The following KCNIP3 variants were observed in gnomAD, a reference collection of about 807,000 sequenced individuals.
The protein encoded by KCNIP3 is potassium voltage-gated channel interacting protein 3.
Under a neutral mutation model 35.0 loss-of-function variants are expected in KCNIP3, and 28 were observed. The ratio of observed to expected loss-of-function variants is 0.80; its 90% CI spans 0.59 to 1.10. KCNIP3 has a LOEUF of 1.10. Ranked by LOEUF, KCNIP3 falls within the 50% of genes least tolerant of loss-of-function variation. The pLI is 0.00. For synonymous variants in KCNIP3, 134 were observed against 133.8 expected (o/e 1.00, Z -0.01); for missense variants, 295 against 338.4 (o/e 0.87, Z 1.01).
intron 2 of KCNIP3, among the ~76,000 whole-genome samples, chr2:95,357,026 C>T (rs562622287): frequency 4.6e-4 from 70 of 152,316 alleles, no homozygotes; most frequent in Admixed American, 9.8e-4. Flanking sequence ...CGTGGGTGGC[C>T]TCTGCAGGAG....
chr2:95,367,887 G>A (rs2113419), intron 2 of KCNIP3, among the ~76,000 whole-genome samples: 25,043 of 150,956 alleles, frequency 0.17, 2,301 homozygotes, highest in East Asian at 0.29. Flanking sequence ...TTAGCCTCCC[G>A]AGTAGCTGGG....
chr2:95,365,464 T>C (rs1028166592), intron 2 of KCNIP3, among the ~76,000 whole-genome samples: 6 of 152,170 alleles, frequency 3.9e-5, no homozygotes, highest in African/African-American at 1.4e-4. Context: ...ACTTGGCCCC[T>C]TATGTCATTT....
intron 2 of KCNIP3, among the ~76,000 whole-genome samples, chr2:95,349,118 G>C (rs1203086899): frequency 3.9e-5 from 6 of 152,056 alleles, no homozygotes; most frequent in African/African-American, 1.4e-4. Flanking sequence ...GAGGGAGGGC[G>C]TCGTGAGTTC....
chr2:95,336,019 A>T (rs1360890679), intron 2 of KCNIP3, among the ~76,000 whole-genome samples: 5 of 152,186 alleles, frequency 3.3e-5, no homozygotes, highest in African/African-American at 1.2e-4. Context: ...TTGTATTTGC[A>T]CTTCCTTGTC....
intron 3 of KCNIP3, among the ~76,000 whole-genome samples, 184 bp downstream of exon 3, chr2:95,374,604 G>A (rs556632939): frequency 2.6e-5 from 4 of 152,296 alleles, no homozygotes; most frequent in Admixed American, 2.6e-4. Flanking sequence ...TCCTCCCTCC[G>A]TGTCTTTGCT....
In KCNIP3 at chr2:95,333,185, C is replaced by G. The variant is rs183851008; in HGVS notation, c.181+22665C>G. Among the ~76,000 whole-genome samples, 7 of 152,294 alleles carry G rather than the reference C, an allele frequency of 4.6e-5. No homozygotes were observed. The East Asian group carries it at 1.2e-3, about 25-fold the overall frequency. On this transcript the variant is annotated intron_variant, in intron 2 of 8. Coordinates refer to ENST00000295225, the MANE Select transcript of KCNIP3 (RefSeq NM_013434.5). Reference sequence around the variant, plus strand: ...TGCTCCCTTGCTCTGAGGATAAATCCCCGGCCACAGACTTGGCCATGCCCT... The same window carrying G: ...TGCTCCCTTGCTCTGAGGATAAATCGCCGGCCACAGACTTGGCCATGCCCT...
intron 2 of KCNIP3, among the ~76,000 whole-genome samples, chr2:95,323,727 C>T (rs1482599954): frequency 7.2e-5 from 11 of 152,196 alleles, no homozygotes; most frequent in South Asian, 2.1e-4. Context: ...TCCTGGCTCC[C>T]GATGCCCCAA....
intron 2 of KCNIP3, among the ~76,000 whole-genome samples, chr2:95,358,667 G>T (rs1347865737): frequency 6.6e-6 from 1 of 152,212 alleles, no homozygotes; most frequent in African/African-American, 2.4e-5. Flanking sequence ...TCTGGCGAGG[G>T]CCCTCTTGCT....
In KCNIP3 at chr2:95,376,112, G is replaced by A. The variant is rs1680179728; in HGVS notation, c.447+904G>A. 6.6e-6 allele frequency among the ~76,000 whole-genome samples: 1 copy of A among 152,196 alleles called. No individual in the cohort carries two copies. The highest frequency in any genetic ancestry group is 1.5e-5 in the Non-Finnish European group (1 of 68,036). ...CCCTCGACTCTGAGCCACACTCTGAGGGCTCTGCACATAGAAGCAGACCGT... is the reference window on the plus strand; with the variant it reads ...CCCTCGACTCTGAGCCACACTCTGAAGGCTCTGCACATAGAAGCAGACCGT... On this transcript the variant is annotated intron_variant, in intron 5 of 8. Coordinates refer to ENST00000295225, the MANE Select transcript of KCNIP3 (RefSeq NM_013434.5). This position sits in a 1 kb window ranked among gnomAD's most constrained non-coding sequence, Gnocchi z 4.2.
At chr2:95,333,623 T>C (rs527866435) in intron 2 of KCNIP3, among the ~76,000 whole-genome samples, 1 of 152,296 alleles carries the variant, frequency 6.6e-6, no homozygotes, top group Non-Finnish European at 1.5e-5. Flanking sequence ...TTGGTTGCAA[T>C]TGTGACAGCT....
intron 2 of KCNIP3, among the ~76,000 whole-genome samples, chr2:95,369,373 A>G (rs1254264449): frequency 1.3e-5 from 2 of 152,256 alleles, no homozygotes; most frequent in African/African-American, 4.8e-5. Context: ...TATTTTGTTG[A>G]GAAATTTCAC....
intron 2 of KCNIP3, among the ~76,000 whole-genome samples, chr2:95,337,503 T>C (rs1309746632): frequency 1.3e-5 from 2 of 152,196 alleles, no homozygotes; most frequent in African/African-American, 2.4e-5. Flanking sequence ...GAGTGTGTCA[T>C]TGGGATATAA....
rs1680268118 is a variant in KCNIP3, at chr2:95,378,855, T to C, written c.448-2741T>C. Among the ~76,000 whole-genome samples the C allele has an allele frequency of 1.3e-5, 2 of 149,534 alleles. No homozygotes were observed. The highest frequency in any genetic ancestry group is 5.0e-5 in the African/African-American group (2 of 40,102). On this transcript the variant is annotated intron_variant, in intron 5 of 8. Transcript: ENST00000295225. The surrounding 1 kb of genome is among the most constrained non-coding windows in gnomAD (Gnocchi z 4.0). ...ACACATATTTATATACACATATATA[T>C]ACACATATATACACACACACACATA...
intron 1 of KCNIP3, among the ~76,000 whole-genome samples, chr2:95,305,000 C>T (rs763790006): frequency 2.0e-5 from 3 of 152,194 alleles, no homozygotes; most frequent in Non-Finnish European, 4.4e-5. Flanking sequence ...CAGGGCCAGC[C>T]TAGGGCCGTT....
chr2:95,310,731 A>G (rs940053976), intron 2 of KCNIP3: 3 of 593,694 alleles, frequency 5.1e-6, no homozygotes, highest in Non-Finnish European at 9.1e-6. Flanking sequence ...AGTGGGACCC[A>G]CAGAGCATGG....
chr2:95,340,204 G>T (rs1481475114), intron 2 of KCNIP3, among the ~76,000 whole-genome samples: 1 of 152,204 alleles, frequency 6.6e-6, no homozygotes, highest in Non-Finnish European at 1.5e-5. Context: ...AGGCATGGTG[G>T]TGCATGCCTG....
chr2:95,340,532 C>A (rs532612203), intron 2 of KCNIP3, among the ~76,000 whole-genome samples: 136 of 152,348 alleles, frequency 8.9e-4, no homozygotes, highest in Non-Finnish European at 1.6e-3. Context: ...TGGTGGCAAG[C>A]TGGCAGTCTC....
chr2:95,336,719 T>A (rs1679068734), intron 2 of KCNIP3, among the ~76,000 whole-genome samples: 1 of 152,226 alleles, frequency 6.6e-6, no homozygotes, highest in Non-Finnish European at 1.5e-5. Flanking sequence ...ACACCGTTCC[T>A]GTCAAAGTTT....
intron 2 of KCNIP3, among the ~76,000 whole-genome samples, chr2:95,342,370 A>G (rs1046188049): frequency 5.9e-5 from 9 of 152,242 alleles, no homozygotes; most frequent in Non-Finnish European, 4.4e-5. Context: ...GAGATAAGTC[A>G]TGTTGAAACA....
Sources: gnomAD v4.1 joint callset for allele counts (sites outside exome capture counted in the v4.1 genomes callset) on GRCh38, gnomAD v4.1.1 for gene constraint, Gnocchi (gnomAD v3.1) non-coding constraint, MANE v1.5 for transcripts, NCBI Gene and HGNC (gene_info 2026-07-23, HGNC 2026-07-21) for gene names.